Variants in CDH4 observed in about 807,000 individuals in gnomAD.
CDH4 encodes cadherin-4.
A neutral mutation model predicts 86.0 loss-of-function variants in CDH4; 33 were observed. That is an observed-to-expected ratio of 0.38 (90% CI 0.29 to 0.51). The LOEUF is 0.51. CDH4 is among the 20% of genes least tolerant of loss of function. The probability of loss-of-function intolerance (pLI) is 0.86; values close to 1 mark genes in which losing one functional copy is unlikely to be tolerated. For synonymous variants in CDH4, 555 were observed against 549.4 expected, an observed-to-expected ratio of 1.01 and a Z score of -0.14; for missense variants, 1,114 against 1,307.4, an observed-to-expected ratio of 0.85 and a Z score of 2.28.
intron 6 of CDH4, among the ~76,000 whole-genome samples, chr20:61,853,265 G>C (rs1401075156): frequency 6.6e-6 from 1 of 152,238 alleles, no homozygotes; most frequent in African/African-American, 2.4e-5. Context: ...TGGGACTGGG[G>C]TGGGCTCCCG....
intron 8 of CDH4, among the ~76,000 whole-genome samples, chr20:61,903,883 C>T (rs1034690393): frequency 1.3e-5 from 2 of 152,240 alleles, no homozygotes; most frequent in African/African-American, 2.4e-5. Flanking sequence ...CTGGGGTTGT[C>T]ACCAGCATGA....
chr20:61,579,285 ATT>A (rs11483950), intron 2 of CDH4, among the ~76,000 whole-genome samples: 2,552 of 129,500 alleles, frequency 0.02, 97 homozygotes, highest in African/African-American at 0.07. Flanking sequence ...CTCGATGGAG[ATT>A]TTTTTTTTTT....
At chr20:61,348,499 C>T (rs927148686) in intron 2 of CDH4, among the ~76,000 whole-genome samples, 1 of 152,148 alleles carries the variant, frequency 6.6e-6, no homozygotes, top group African/African-American at 2.4e-5. Flanking sequence ...GTTCCCTCCA[C>T]CAAGACCTAG....
intron 4 of CDH4, among the ~76,000 whole-genome samples, chr20:61,837,822 T>G (rs1245467665): frequency 6.6e-6 from 1 of 152,054 alleles, no homozygotes; most frequent in African/African-American, 2.4e-5. Flanking sequence ...TTCCTTCTCC[T>G]CCTCCTCCTC....
intron 11 of CDH4, among the ~76,000 whole-genome samples, chr20:61,924,978 C>T (rs1372404935): frequency 6.6e-6 from 1 of 152,216 alleles, no homozygotes; most frequent in African/African-American, 2.4e-5. Flanking sequence ...TCAGCAGCCC[C>T]GGGGGTGCCG....
intron 7 of CDH4, among the ~76,000 whole-genome samples, chr20:61,891,781 C>T (rs1984833269): frequency 6.6e-6 from 1 of 152,218 alleles, no homozygotes; most frequent in Admixed American, 6.5e-5. Context: ...CTCCCGGGTC[C>T]AACCGCACCT....
At chr20:61,831,961 T>G (rs1294451748) in intron 4 of CDH4, among the ~76,000 whole-genome samples, 1 of 152,250 alleles carries the variant, frequency 6.6e-6, no homozygotes, top group Non-Finnish European at 1.5e-5. Context: ...CAGGAGCGGC[T>G]GGAGCCTGCC....
chr20:61,300,255 C>T (rs538442454), intron 2 of CDH4, among the ~76,000 whole-genome samples: 1 of 151,980 alleles, frequency 6.6e-6, no homozygotes, highest in African/African-American at 2.4e-5. Flanking sequence ...CCGGGGCAAT[C>T]GGCGGGTAAA....
chr20:61,410,241 T>C (rs2085110004), intron 2 of CDH4, among the ~76,000 whole-genome samples: 2 of 152,180 alleles, frequency 1.3e-5, no homozygotes, highest in African/African-American at 2.4e-5. Context: ...CACCCATCCA[T>C]TCATCCACTC....
At chr20:61,617,224 G>A (rs911610156) in intron 2 of CDH4, among the ~76,000 whole-genome samples, 4 of 152,112 alleles carry the variant, frequency 2.6e-5, no homozygotes, top group African/African-American at 7.2e-5. Context: ...ACGCTGTGTC[G>A]TGTCTGCCTG....
At chr20:61,538,074 G>A (rs1182408936) in intron 2 of CDH4, among the ~76,000 whole-genome samples, 4 of 151,934 alleles carry the variant, frequency 2.6e-5, no homozygotes, top group South Asian at 2.1e-4. Context: ...CCAGGCCCCC[G>A]GCCTGTGAGG....
In CDH4 at chr20:61,313,461, G is replaced by C. The variant is rs542138642; in HGVS notation, c.169+58524G>C. Among the ~76,000 whole-genome samples the C allele has an allele frequency of 4.4e-3, 664 of 152,284 alleles. 3 individuals carry two copies. The highest frequency in any genetic ancestry group is 0.015 in the African/African-American group (642 of 41,564). ...TTCACCATTGAGTCGCCCTTGGCAC[G>C]CTTTGTTTTTCATCTAAACAAACCC... On this transcript the variant is annotated intron_variant, in intron 2 of 15. Coordinates refer to ENST00000614565, the MANE Select transcript of CDH4 (RefSeq NM_001794.5).
chr20:61,329,992 C>T (rs1228957893), intron 2 of CDH4, among the ~76,000 whole-genome samples: 2 of 152,090 alleles, frequency 1.3e-5, no homozygotes, highest in Admixed American at 6.5e-5. Flanking sequence ...CTGGCTCCAT[C>T]CATGTCCCTG....
intron 4 of CDH4, among the ~76,000 whole-genome samples, chr20:61,792,638 C>CTG (rs139135636): frequency 0.013 from 1,926 of 150,770 alleles, 27 homozygotes; most frequent in African/African-American, 0.029. Context: ...TTAGATGATG[C>CTG]TGTGTGTGTG....
At chr20:61,498,417 C>T (rs1600713450) in intron 2 of CDH4, among the ~76,000 whole-genome samples, 3 of 152,244 alleles carry the variant, frequency 2.0e-5, no homozygotes, top group Non-Finnish European at 2.9e-5. Flanking sequence ...TAATGCTATA[C>T]ACACTCAGAT....
intron 2 of CDH4, among the ~76,000 whole-genome samples, chr20:61,429,966 G>T (rs192779584): frequency 6.6e-6 from 1 of 152,342 alleles, no homozygotes; most frequent in Non-Finnish European, 1.5e-5. Context: ...TGTGTGCCGA[G>T]CATGGCTTGG....
chr20:61,500,389 C>T (rs2085692263), intron 2 of CDH4, among the ~76,000 whole-genome samples: 1 of 152,224 alleles, frequency 6.6e-6, no homozygotes, highest in Admixed American at 6.5e-5. Context: ...ACAGAGTCCC[C>T]AGTAGTTGCT....
chr20:61,437,807 C>T (rs6089629), intron 2 of CDH4, among the ~76,000 whole-genome samples: 13,103 of 152,192 alleles, frequency 0.086, 1,023 homozygotes, highest in African/African-American at 0.21. Flanking sequence ...CTCCACACGA[C>T]GGTTAGGAAA....
chr20:61,720,401 G>A (rs1204929336), intron 2 of CDH4, among the ~76,000 whole-genome samples: 1 of 148,270 alleles, frequency 6.7e-6, no homozygotes, highest in Non-Finnish European at 1.5e-5. Context: ...GGGTGCAGGG[G>A]TGCGAAGTGT....
Sources: allele counts gnomAD v4.1 joint callset (sites outside exome capture counted in the v4.1 genomes callset), GRCh38; gene constraint gnomAD v4.1.1; transcripts MANE v1.5; gene names NCBI Gene and HGNC (gene_info 2026-07-23, HGNC 2026-07-21).